TRDN: variants seen among roughly 807,000 people sequenced by gnomAD.
TRDN encodes the protein triadin in skeletal muscle.
TRDN carries 161 observed loss-of-function variants against 149.7 expected under a neutral mutation model. That is an observed-to-expected ratio of 1.08 (90% CI 0.95 to 1.23). The LOEUF (loss-of-function observed/expected upper bound fraction) is 1.23, where lower values mean the gene tolerates loss of function less well. Ranked by LOEUF, TRDN falls within the 50% of genes most tolerant of loss-of-function variation. The pLI, the probability that TRDN is intolerant of heterozygous loss-of-function variation, is 0.00. For missense variants in TRDN, 896 were observed against 823.5 expected (o/e 1.09, Z -1.08); for synonymous variants, 294 against 250.5 (o/e 1.17, Z -1.64).
intron 10 of TRDN, among the ~76,000 whole-genome samples, chr6:123,454,413 C>A (rs1775979901): frequency 6.6e-6 from 1 of 152,054 alleles, no homozygotes; most frequent in African/African-American, 2.4e-5. Flanking sequence ...GGGTTGGAAC[C>A]ACAGTAATTT....
rs181787389 is a variant in TRDN, at chr6:123,549,175, T to C, written c.233-563A>G. On this transcript the variant is annotated intron_variant, in intron 2 of 40. Coordinates refer to ENST00000334268, the MANE Select transcript of TRDN (RefSeq NM_006073.4). ...AGGTTGGATTTATCTTAGTCATCCCTGTACATGAAATAAAAAAGTATTTGA... is the reference window on the plus strand; with the variant it reads ...AGGTTGGATTTATCTTAGTCATCCCCGTACATGAAATAAAAAAGTATTTGA... 2.3e-4 allele frequency among the ~76,000 whole-genome samples: 35 copies of C among 152,190 alleles called. No homozygotes were observed. The East Asian group carries it at 5.0e-3, about 22-fold the overall frequency.
chr6:123,554,495 G>A (rs1781550597), intron 2 of TRDN, among the ~76,000 whole-genome samples: 1 of 152,038 alleles, frequency 6.6e-6, no homozygotes, highest in Non-Finnish European at 1.5e-5. Flanking sequence ...ATATGTATAT[G>A]AATATTTTTG....
At chr6:123,607,475 T>C (rs1168684999) in intron 1 of TRDN, among the ~76,000 whole-genome samples, 2 of 152,194 alleles carry the variant, frequency 1.3e-5, no homozygotes, top group African/African-American at 2.4e-5. Context: ...AGAAGATTAC[T>C]GGGCCTTAAC....
chr6:123,441,239 T>TA (rs1774863151), intron 10 of TRDN: 2 of 152,292 alleles, frequency 1.3e-5, no homozygotes, highest in African/African-American at 4.8e-5. Context: ...ATGTTTCTTT[T>TA]ATGAAAACTT....
intron 24 of TRDN, among the ~76,000 whole-genome samples, chr6:123,303,822 A>G (rs1445264549): frequency 6.6e-6 from 1 of 152,222 alleles, no homozygotes; most frequent in Non-Finnish European, 1.5e-5. Context: ...GATAAGTAGC[A>G]TAGGCTTGTG....
At chr6:123,513,029 C>T (rs115357118) in intron 6 of TRDN, among the ~76,000 whole-genome samples, 2,441 of 152,106 alleles carry the variant, frequency 0.016, 73 homozygotes, top group African/African-American at 0.055. Context: ...AAACAGTGTC[C>T]TCCAGAATCT....
intron 20 of TRDN, among the ~76,000 whole-genome samples, chr6:123,363,601 A>T (rs1780979450): frequency 6.6e-6 from 1 of 152,198 alleles, no homozygotes; most frequent in Non-Finnish European, 1.5e-5. Flanking sequence ...GAATAGATAG[A>T]TAATTTATTT....
chr6:123,556,965 TC>T (rs1781698056), intron 2 of TRDN, among the ~76,000 whole-genome samples: 1 of 151,992 alleles, frequency 6.6e-6, no homozygotes, highest in South Asian at 2.1e-4. Flanking sequence ...AAGTGGCCGG[TC>T]CCTGCCTTAA....
chr6:123,593,790 A>G (rs34025420), intron 1 of TRDN, among the ~76,000 whole-genome samples: 3,483 of 152,326 alleles, frequency 0.023, 51 homozygotes, highest in Non-Finnish European at 0.034. Context: ...GAACTTCAAC[A>G]TAAGGTTGTG....
chr6:123,277,578 C>A (rs1196902246), intron 26 of TRDN, among the ~76,000 whole-genome samples: 1 of 152,062 alleles, frequency 6.6e-6, no homozygotes, highest in Non-Finnish European at 1.5e-5. Flanking sequence ...GAGCTAGAGA[C>A]ACAAAGGGAG....
At chr6:123,351,134 G>A (rs1780448571) in intron 21 of TRDN, 22 of 984,516 alleles carry the variant, frequency 2.2e-5, no homozygotes, top group Non-Finnish European at 2.4e-5. Context: ...TTATACTAGA[G>A]GGGGAAAGCT....
chr6:123,357,153 T>C (rs1038132325), intron 20 of TRDN, among the ~76,000 whole-genome samples: 2 of 152,022 alleles, frequency 1.3e-5, no homozygotes, highest in Non-Finnish European at 2.9e-5. Flanking sequence ...ATCCCACTTT[T>C]TTCTTTGACT....
chr6:123,278,423 T>C, intron 25 of TRDN, 76 bp from the exon 26 acceptor site: 1 of 915,168 alleles, frequency 1.1e-6, no homozygotes, highest in Non-Finnish European at 1.5e-6. Flanking sequence ...GCATATTTAT[T>C]TTTATATAAT....
intron 4 of TRDN, among the ~76,000 whole-genome samples, chr6:123,532,139 G>A (rs538648256): frequency 6.6e-5 from 10 of 152,060 alleles, no homozygotes; most frequent in African/African-American, 2.4e-4. Flanking sequence ...ATGATATATG[G>A]TTAATCCAAA....
chr6:123,246,913 T>C (rs1376402424), intron 38 of TRDN, among the ~76,000 whole-genome samples: 1 of 152,140 alleles, frequency 6.6e-6, no homozygotes, highest in Non-Finnish European at 1.5e-5. Context: ...CACGATCAAG[T>C]TGGCTTCATC....
At chr6:123,516,424 C>G (rs887741912) in intron 5 of TRDN, among the ~76,000 whole-genome samples, 1 of 152,018 alleles carries the variant, frequency 6.6e-6, no homozygotes, top group Non-Finnish European at 1.5e-5. Flanking sequence ...AACTAGTACC[C>G]AAACCAAGTC....
intron 20 of TRDN, among the ~76,000 whole-genome samples, chr6:123,355,352 G>A (rs1049564388): frequency 1.3e-5 from 2 of 151,418 alleles, no homozygotes; most frequent in African/African-American, 2.4e-5. Flanking sequence ...CCTCCACCAC[G>A]GTTATAAGAT....
chr6:123,427,778 A>G (rs1750405155), intron 12 of TRDN, among the ~76,000 whole-genome samples: 1 of 152,142 alleles, frequency 6.6e-6, no homozygotes, highest in Non-Finnish European at 1.5e-5. Context: ...TTATTTTAAA[A>G]TATCTTTATT....
intron 5 of TRDN, chr6:123,529,204 T>C (rs1204835489): frequency 1.3e-6 from 2 of 1,547,740 alleles, no homozygotes; most frequent in East Asian, 2.4e-5. Flanking sequence ...ACCAGTTGAG[T>C]TTCTGTTTAA....
Sources: gnomAD v4.1 joint callset for allele counts (sites outside exome capture counted in the v4.1 genomes callset) on GRCh38, gnomAD v4.1.1 for gene constraint, MANE v1.5 for transcripts, NCBI Gene and HGNC (gene_info 2026-07-23, HGNC 2026-07-21) for gene names.